The following ATP2B2 variants were observed in gnomAD, a reference collection of about 807,000 sequenced individuals.
ATP2B2 encodes plasma membrane calcium-transporting ATPase 2.
A neutral mutation model predicts 120.0 loss-of-function variants in ATP2B2; 15 were observed. The observed-to-expected ratio is 0.12, with a 90% confidence interval of 0.08 to 0.19. The LOEUF is 0.19. Ranked by LOEUF, ATP2B2 falls within the 10% of genes least tolerant of loss-of-function variation. The pLI, the probability that ATP2B2 is intolerant of heterozygous loss-of-function variation, is 1.00. For synonymous variants in ATP2B2, 694 were observed against 700.3 expected (o/e 0.99, Z 0.14); for missense variants, 1,045 against 1,719.8 (o/e 0.61, Z 6.94).
At position 10,583,024 on chromosome 3, in the gene ATP2B2, T is replaced by C. The variant is rs11920929; in HGVS notation, c.-415+36893A>G. ...TCAGCAGCAGGCCCTCAATCTCTAA[T>C]TAAAGTTTGCTTGTTTTTAAATCAG... On this transcript the variant is annotated intron_variant, in intron 2 of 21. Transcript: ENST00000646379. Among the ~76,000 whole-genome samples, 673 of 152,352 alleles carry C rather than the reference T, an allele frequency of 4.4e-3. 5 individuals carry two copies. The highest frequency in any genetic ancestry group is 0.015 in the African/African-American group (634 of 41,580).
rs1283173094 is a variant in ATP2B2 at position 10,342,387 on chromosome 3, G to A, written c.2917+365C>T. Among the ~76,000 whole-genome samples the A allele has an allele frequency of 6.6e-6, 1 of 152,202 alleles. No individual in the cohort carries two copies. Among genetic ancestry groups the A allele is most frequent in the African/African-American group, 2.4e-5 (1 of 41,448 alleles). ...GGTCCCTTCCACGGGGCCAGGATAA[G>A]GTGCTGGAATGGGTCAGAGAAGGGG... On this transcript the variant is annotated intron_variant, in intron 19 of 22. Coordinates refer to ENST00000360273, the MANE Select transcript of ATP2B2 (RefSeq NM_001001331.4). The surrounding 1 kb of genome is among the most constrained non-coding windows in gnomAD (Gnocchi z 4.4).
chr3:10,642,948 G>A (rs2070214342), intron 1 of ATP2B2, among the ~76,000 whole-genome samples: 1 of 152,132 alleles, frequency 6.6e-6, no homozygotes, highest in Admixed American at 6.5e-5. Context: ...CCTCTAACAG[G>A]AATCAGAGAT....
At chr3:10,654,694 TG>T (rs2070564659) in intron 1 of ATP2B2, among the ~76,000 whole-genome samples, 1 of 151,570 alleles carries the variant, frequency 6.6e-6, no homozygotes, top group Non-Finnish European at 1.5e-5. Flanking sequence ...CAGGAGTGCT[TG>T]GAACTGTGTG....
At position 10,594,732 on chromosome 3, in the gene ATP2B2, A is replaced by AATAATC. The variant is rs1354600926; in HGVS notation, c.-415+25184_-415+25185insGATTAT. ...AAAGTATAATAATAATAATAATAAT[A>AATAATC]ATAATAATAAAAGAAACACGTCTAT... is the stretch of plus-strand genomic sequence containing the variant. On this transcript the variant is annotated intron_variant, in intron 2 of 21. Transcript: ENST00000646379. Among the ~76,000 whole-genome samples the AATAATC allele has an allele frequency of 2.0e-5, 3 of 151,748 alleles. No homozygotes were observed. In the East Asian group the frequency reaches 5.8e-4, roughly 29 times the overall value.
chr3:10,328,545 CAGGAA>C lies in ATP2B2; in HGVS notation c.*264_*268del. ...GGCTGGTCCATGTCTGGGTGGGAGCCAGGAAGGGCTTGTTTTGGGAAAACCGCTCA... is the reference window on the plus strand; with the variant it reads ...GGCTGGTCCATGTCTGGGTGGGAGCCGGGCTTGTTTTGGGAAAACCGCTCA... On this transcript the variant is annotated 3_prime_UTR_variant, in exon 23 of 23. Coordinates refer to ENST00000360273, the MANE Select transcript of ATP2B2 (RefSeq NM_001001331.4). 8.5e-6 allele frequency: 4 copies of C among 472,630 alleles called. No individual in the cohort carries two copies. Among genetic ancestry groups the C allele is most frequent in the South Asian group, 2.7e-5 (1 of 36,688 alleles). The allele number at this position is 472,630 out of a possible 1,614,324, so 29.3% of individuals were successfully genotyped here.
rs572499186 is a variant in ATP2B2, at chr3:10,331,884, A to G, written c.3421-2759T>C. 4.5e-4 allele frequency: 545 copies of G among 1,200,506 alleles called. 8 individuals are homozygous for G. The South Asian group carries it at 6.4e-3, about 14-fold the overall frequency. The allele number at this position is 1,200,506 out of a possible 1,614,324, so 74.4% of individuals were successfully genotyped here. A position where few individuals can be genotyped will look rare whatever the true frequency, so the allele number is the denominator to read the frequency against. On this transcript the variant is annotated intron_variant, in intron 22 of 22. Coordinates refer to ENST00000360273, the MANE Select transcript of ATP2B2 (RefSeq NM_001001331.4). ...GAAAACGCACAGGCCCTGGTCTGAGATGGGTTCTACATACTCGAATGTTTA... is the reference window on the plus strand; with the variant it reads ...GAAAACGCACAGGCCCTGGTCTGAGGTGGGTTCTACATACTCGAATGTTTA...
At chr3:10,540,649 C>T (rs1272501397) in intron 2 of ATP2B2, among the ~76,000 whole-genome samples, 1 of 141,284 alleles carries the variant, frequency 7.1e-6, no homozygotes, top group Non-Finnish European at 1.5e-5. Context: ...TGTTCTCACT[C>T]ATAGGTGGGA....
In ATP2B2 at chr3:10,360,250, G is replaced by A. The variant is rs1042669811; in HGVS notation, c.1660-127C>T. On this transcript the variant is annotated intron_variant, in intron 12 of 22. Transcript: ENST00000360273. ...CTGGGCTGGGGGCTGAGCCCTCAGG[G>A]AGCCCTTGGCCCATCCCCTGCACCC... 1.5e-5 allele frequency: 21 copies of A among 1,439,910 alleles called. No individual in the cohort carries two copies. The African/African-American group carries it at 2.7e-4, about 19-fold the overall frequency. 89.2% of individuals were successfully genotyped at this position (1,439,910 alleles called of 1,614,324 possible).
At chr3:10,475,868 C>G (rs2065185210) in intron 1 of ATP2B2, among the ~76,000 whole-genome samples, 1 of 152,162 alleles carries the variant, frequency 6.6e-6, no homozygotes, top group Admixed American at 6.5e-5. Flanking sequence ...ATGCTGGGGA[C>G]TTGAAGGTGA....
intron 1 of ATP2B2, among the ~76,000 whole-genome samples, chr3:10,625,571 C>T (rs961200101): frequency 1.7e-4 from 26 of 152,192 alleles, no homozygotes; most frequent in Non-Finnish European, 2.8e-4. Context: ...TGACCCTTGG[C>T]TTCTTGGGCG....
rs187898629 is a variant in ATP2B2, at chr3:10,694,587, C to A, written c.-460+13328G>T. On this transcript the variant is annotated intron_variant, in intron 1 of 21. Coordinates refer to the ATP2B2 transcript ENST00000646379. ...AATTCAAGTAGGTGCTGCTGAATTG[C>A]CCTCAATGGGCTGTGGCATGAAAAC... 2.9e-4 allele frequency among the ~76,000 whole-genome samples: 44 copies of A among 152,264 alleles called. No individual in the cohort carries two copies. The East Asian group carries it at 8.5e-3, about 29-fold the overall frequency.
At position 10,644,949 on chromosome 3, in the gene ATP2B2, A is replaced by G. The variant is rs141584139; in HGVS notation, c.-459-24988T>C. 6.3e-3 allele frequency among the ~76,000 whole-genome samples: 960 copies of G among 152,362 alleles called. 9 individuals carry two copies. Among genetic ancestry groups the G allele is most frequent in the African/African-American group, 0.022 (910 of 41,582 alleles). On this transcript the variant is annotated intron_variant, in intron 1 of 21. Transcript: ENST00000646379. ...CATATCATATCAAAATGTTAATTTT[A>G]TAGAATGTATAAATTGCACTACAGT...
chr3:10,507,650 G>A (rs2125429189), upstream of ATP2B2, among the ~76,000 whole-genome samples: 1 of 152,280 alleles, frequency 6.6e-6, no homozygotes, highest in Non-Finnish European at 1.5e-5. Context: ...TTACAAAATA[G>A]CCCGAGAAGC....
intron 1 of ATP2B2, among the ~76,000 whole-genome samples, chr3:10,687,581 C>A (rs1290958260): frequency 6.6e-6 from 1 of 152,078 alleles, no homozygotes; most frequent in African/African-American, 2.4e-5. Flanking sequence ...GCCATTGGAC[C>A]CAGATGAGGT....
At chr3:10,529,274 G>A (rs2125470805) in intron 3 of ATP2B2, among the ~76,000 whole-genome samples, 2 of 152,304 alleles carry the variant, frequency 1.3e-5, no homozygotes, top group South Asian at 2.1e-4. Context: ...AGATTATTTT[G>A]GGAACGATCT....
intron 2 of ATP2B2, chr3:10,566,605 C>T (rs769662419): frequency 5.9e-5 from 9 of 152,276 alleles, no homozygotes; most frequent in Middle Eastern, 3.4e-3. Flanking sequence ...GAGAAGGCAA[C>T]GTTCAACGGA....
At position 10,333,783 on chromosome 3, in the gene ATP2B2, C is replaced by T. The variant is rs1203284204; in HGVS notation, c.3420+4393G>A. ...AGCAGGGTGGGGAGGCCCTGGCCAA[C>T]CCTGCCGGGTCCCCTGAGAGAATGA... On this transcript the variant is annotated intron_variant, in intron 22 of 22. Transcript: ENST00000360273. Among the ~76,000 whole-genome samples the T allele has an allele frequency of 2.6e-5, 4 of 152,296 alleles. No individual in the cohort carries two copies. In the East Asian group the frequency reaches 7.7e-4, roughly 29 times the overall value.
intron 1 of ATP2B2, among the ~76,000 whole-genome samples, chr3:10,655,509 C>A (rs779349469): frequency 1.2e-4 from 14 of 117,256 alleles, no homozygotes; most frequent in Non-Finnish European, 1.9e-4. Context: ...CAGACCCTTG[C>A]TACTCAAAGT....
chr3:10,702,835 A>G (rs191477858), intron 1 of ATP2B2, among the ~76,000 whole-genome samples: 1 of 152,332 alleles, frequency 6.6e-6, no homozygotes, highest in Non-Finnish European at 1.5e-5. Flanking sequence ...TGTCCCTGTC[A>G]TATTCATTCT....
Sources: allele counts gnomAD v4.1 joint callset (sites outside exome capture counted in the v4.1 genomes callset), GRCh38; gene constraint gnomAD v4.1.1; non-coding constraint Gnocchi (gnomAD v3.1); transcripts MANE v1.5; gene names NCBI Gene and HGNC (gene_info 2026-07-23, HGNC 2026-07-21).